UNC80: variants seen among roughly 807,000 people sequenced by gnomAD.
UNC80 encodes the protein unc-80 subunit of NALCN channel complex, also known as protein unc-80 homolog.
Under a neutral mutation model 384.6 loss-of-function variants are expected in UNC80, and 164 were observed. The ratio of observed to expected loss-of-function variants is 0.43; its 90% confidence interval spans 0.38 to 0.49. UNC80 has a LOEUF of 0.49. UNC80 is among the 20% of genes least tolerant of loss of function. The pLI is 0.00. For synonymous variants in UNC80, 1,486 were observed against 1,527.8 expected (o/e 0.97, Z 0.64); for missense variants, 3,330 against 4,143.0 (o/e 0.80, Z 5.39).
intron 22 of UNC80, among the ~76,000 whole-genome samples, chr2:209,859,214 G>A (rs114069324): frequency 0.013 from 1,956 of 152,218 alleles, 46 homozygotes; most frequent in African/African-American, 0.043. Flanking sequence ...AGGCCCTGGT[G>A]TGTGCTGCTT....
At chr2:209,966,741 G>A (rs566649439) in intron 51 of UNC80, among the ~76,000 whole-genome samples, 3 of 152,312 alleles carry the variant, frequency 2.0e-5, no homozygotes, top group East Asian at 3.9e-4. Flanking sequence ...GTATGGAACC[G>A]AGTTGGGAAA....
At chr2:209,912,911 G>A (rs1474408042) in intron 30 of UNC80, among the ~76,000 whole-genome samples, 1 of 152,200 alleles carries the variant, frequency 6.6e-6, no homozygotes, top group Non-Finnish European at 1.5e-5. Flanking sequence ...TCTCCCCACT[G>A]TCTTCACTGC....
chr2:209,938,710 C>CTCTCTCTCTGTGTGTGTG (rs1491352008), intron 42 of UNC80, among the ~76,000 whole-genome samples: 13 of 83,504 alleles, frequency 1.6e-4, no homozygotes, highest in African/African-American at 5.0e-4. Flanking sequence ...CTCTCTCTCT[C>CTCTCTCTCTGTGTGTGTG]TGTGTGTGTG....
chr2:209,854,204 ATTCTCGT>A (rs1559204415), intron 22 of UNC80, among the ~76,000 whole-genome samples: 1 of 152,118 alleles, frequency 6.6e-6, no homozygotes, highest in Non-Finnish European at 1.5e-5. Context: ...ATATCTTATG[ATTCTCGT>A]TTGAATCATA....
chr2:209,930,050 G>T, intron 37 of UNC80, 79 bp downstream of exon 37: 1 of 908,844 alleles, frequency 1.1e-6, no homozygotes, highest in Non-Finnish European at 1.6e-6. Flanking sequence ...GAACTTTATA[G>T]TGCAGTGCAT....
chr2:209,935,609 A>C (rs2091193328), intron 39 of UNC80, 105 bp from the exon 40 acceptor site: 1 of 466,130 alleles, frequency 2.1e-6, no homozygotes, highest in South Asian at 5.9e-5. Context: ...AATTGTAATT[A>C]ACAGTAAAAA....
intron 26 of UNC80, among the ~76,000 whole-genome samples, chr2:209,892,920 C>T (rs970490197): frequency 1.3e-5 from 2 of 152,156 alleles, no homozygotes; most frequent in African/African-American, 4.8e-5. Context: ...TGAAATTCTA[C>T]TCAGATGTGT....
rs773378243 is a variant in UNC80, at chr2:209,967,436, G to A, written c.7806-1G>A. 6.5e-7 allele frequency: 1 copy of A among 1,547,644 alleles called. No homozygotes were observed. The highest frequency in any genetic ancestry group is 1.2e-5 in the South Asian group (1 of 83,690). ...TATATATACATATATATATATTTTA[G>A]GTTGGCAGAAATTGCACACTCCCTT... is the stretch of plus-strand genomic sequence containing the variant. On this transcript the variant is annotated splice_acceptor_variant, in intron 51 of 64. Transcript: ENST00000673920. LOFTEE classifies it high-confidence loss of function.
chr2:209,777,548 C>G lies in UNC80; in HGVS notation c.589C>G (p.His197Asp). The G allele has an allele frequency of 6.2e-7, 1 of 1,609,132 alleles. No individual in the cohort carries two copies. Among genetic ancestry groups the G allele is most frequent in the South Asian group, 1.1e-5 (1 of 89,994 alleles). ...LFVFLFAPLV[H>D]RIKESDLTFR... ...CGTGTTTCTGTTTGCTCCCCTGGTA[C>G]ACAGGATCAAGGTAAGCAGAAACCC... The change falls in exon 4 of 65, where the codon CAC becomes GAC. Residue 197 changes from histidine (H) to aspartate (D), a missense_variant. Coordinates refer to ENST00000673920, the MANE Select transcript of UNC80 (RefSeq NM_001371986.1).
At chr2:209,829,665 T>C (rs548129474) in intron 15 of UNC80, among the ~76,000 whole-genome samples, 31 of 152,146 alleles carry the variant, frequency 2.0e-4, no homozygotes, top group African/African-American at 7.5e-4. Flanking sequence ...CTACCACTTA[T>C]GGGACTCCTC....
In UNC80 at chr2:209,881,204, A is replaced by C. The variant is rs757219850; in HGVS notation, c.4110+110A>C. On this transcript the variant is annotated intron_variant, in intron 25 of 64. Coordinates refer to ENST00000673920, the MANE Select transcript of UNC80 (RefSeq NM_001371986.1). ...AAATGTTCCATGGCTAGTGTATCACATAATTTTAAAAATTCAACCAAGGGA... is the reference window on the plus strand; with the variant it reads ...AAATGTTCCATGGCTAGTGTATCACCTAATTTTAAAAATTCAACCAAGGGA... The C allele has an allele frequency of 4.8e-4, 604 of 1,258,238 alleles. 1 individual carries two copies. Among genetic ancestry groups the C allele is most frequent in the Non-Finnish European group, 6.0e-4 (564 of 942,310 alleles). The allele number at this position is 1,258,238 out of a possible 1,614,324, so 77.9% of individuals were successfully genotyped here.
chr2:209,954,366 A>C (rs2124994784), intron 48 of UNC80, 96 bp downstream of exon 48: 2 of 1,267,596 alleles, frequency 1.6e-6, no homozygotes, highest in African/African-American at 3.0e-5. Context: ...AAAATCTAAA[A>C]CCCAATCTTT....
rs2082374775 is a variant in UNC80, at chr2:209,849,479, T to C, written c.3483T>C (p.Ser1161=). 1.9e-6 allele frequency: 3 copies of C among 1,550,982 alleles called. No homozygotes were observed. The highest frequency in any genetic ancestry group is 1.7e-6 in the Non-Finnish European group (2 of 1,146,476). The part of the protein sequence containing the change: ...LGCHSFDDHL[S]PNQDGGKSKN... ...GCCACAGTTTTGATGATCATCTCTCTCCCAACCAAGATGGTGGAAAAAGCA... is the reference window on the plus strand; with the variant it reads ...GCCACAGTTTTGATGATCATCTCTCCCCCAACCAAGATGGTGGAAAAAGCA... The change falls in exon 22 of 65, where the codon TCT becomes TCC. Residue 1161 remains serine, a synonymous_variant. Coordinates refer to ENST00000673920, the MANE Select transcript of UNC80 (RefSeq NM_001371986.1).
intron 24 of UNC80, among the ~76,000 whole-genome samples, chr2:209,879,172 C>A (rs1189004012): frequency 6.6e-6 from 1 of 151,968 alleles, no homozygotes; most frequent in Non-Finnish European, 1.5e-5. Context: ...TGAAGGTTGG[C>A]CCCAAAGATA....
intron 5 of UNC80, among the ~76,000 whole-genome samples, chr2:209,788,622 T>C (rs1392073487): frequency 6.8e-6 from 1 of 147,986 alleles, no homozygotes; most frequent in East Asian, 1.9e-4. Flanking sequence ...TATATAAATT[T>C]ATAAATATAT....
chr2:209,833,951 T>A, intron 16 of UNC80, 51 bp from the exon 17 acceptor site: 3 of 1,531,368 alleles, frequency 2.0e-6, no homozygotes, highest in Non-Finnish European at 2.6e-6. Context: ...AAAAACTATT[T>A]AATCACACAG....
intron 6 of UNC80, 40 bp downstream of exon 6, chr2:209,789,645 G>T (rs2077669094): frequency 1.4e-6 from 2 of 1,427,326 alleles, no homozygotes; most frequent in Admixed American, 3.4e-5. Context: ...GAGGCAGAAA[G>T]TCCTTGGACA....
At chr2:209,885,971 GC>G (rs1423323245) in intron 25 of UNC80, among the ~76,000 whole-genome samples, 1 of 151,764 alleles carries the variant, frequency 6.6e-6, no homozygotes, top group Admixed American at 6.6e-5. Context: ...CACCATATTG[GC>G]CAGGCTGGTC....
intron 22 of UNC80, among the ~76,000 whole-genome samples, chr2:209,862,684 G>T (rs1287261608): frequency 1.2e-4 from 11 of 89,786 alleles, no homozygotes; most frequent in African/African-American, 1.5e-4. Flanking sequence ...CCATTTGCTT[G>T]GTAAATTTTC....
Sources: allele counts gnomAD v4.1 joint callset (sites outside exome capture counted in the v4.1 genomes callset), GRCh38; gene constraint gnomAD v4.1.1; transcripts MANE v1.5; gene names NCBI Gene and HGNC (gene_info 2026-07-23, HGNC 2026-07-21).